Variants in PDE10A observed in about 807,000 individuals in gnomAD.
PDE10A encodes phosphodiesterase 10A.
Under a neutral mutation model 97.7 loss-of-function variants are expected in PDE10A, and 39 were observed. The observed-to-expected ratio is 0.40, with a 90% CI of 0.31 to 0.52. The LOEUF is 0.52. Among genes scored for constraint, PDE10A ranks in the 20% least tolerant of loss-of-function variants. PDE10A has a pLI of 0.56. For missense variants in PDE10A, 731 were observed against 1,047.8 expected (o/e 0.70, Z 4.17); for synonymous variants, 371 against 376.8 (o/e 0.98, Z 0.18).
chr6:165,428,141 A>G (rs1294050531), intron 10 of PDE10A, among the ~76,000 whole-genome samples: 1 of 152,170 alleles, frequency 6.6e-6, no homozygotes, highest in Non-Finnish European at 1.5e-5. Context: ...CTGGGCATGC[A>G]TGGCATCCAC....
chr6:165,497,397 T>C (rs1323641251), intron 2 of PDE10A, among the ~76,000 whole-genome samples: 1 of 152,170 alleles, frequency 6.6e-6, no homozygotes, highest in Non-Finnish European at 1.5e-5. Context: ...ATGTAACAAC[T>C]TGTAAAGTGC....
At chr6:165,468,510 C>T (rs1055372600) in intron 3 of PDE10A, among the ~76,000 whole-genome samples, 4 of 152,128 alleles carry the variant, frequency 2.6e-5, no homozygotes, top group Non-Finnish European at 5.9e-5. Flanking sequence ...ATTCTTGTGA[C>T]TCACTTTATG....
At chr6:165,594,138 G>T (rs1786442976) in intron 1 of PDE10A, among the ~76,000 whole-genome samples, 1 of 152,152 alleles carries the variant, frequency 6.6e-6, no homozygotes, top group African/African-American at 2.4e-5. Flanking sequence ...TAACATCCAA[G>T]TTGCAATGAG....
intron 1 of PDE10A, among the ~76,000 whole-genome samples, chr6:165,573,143 T>C (rs1226245105): frequency 6.6e-6 from 1 of 152,206 alleles, no homozygotes; most frequent in Non-Finnish European, 1.5e-5. Flanking sequence ...ATTACAGGTT[T>C]GTAATTATCT....
At chr6:165,960,924 C>T (rs1562329013) in intron 1 of PDE10A, among the ~76,000 whole-genome samples, 1 of 152,174 alleles carries the variant, frequency 6.6e-6, no homozygotes, top group Non-Finnish European at 1.5e-5. Flanking sequence ...GCTAACGCTG[C>T]AGGCTCCATT....
intron 1 of PDE10A, among the ~76,000 whole-genome samples, chr6:165,704,397 T>G (rs1009581983): frequency 2.0e-5 from 3 of 152,216 alleles, no homozygotes; most frequent in African/African-American, 7.2e-5. Context: ...TCAGCTGAGA[T>G]AACATCAGCA....
chr6:165,900,802 T>A (rs1343896968), intron 1 of PDE10A, among the ~76,000 whole-genome samples: 1 of 152,204 alleles, frequency 6.6e-6, no homozygotes, highest in Non-Finnish European at 1.5e-5. Context: ...AGCCTTCATA[T>A]CTATCCAACA....
chr6:165,779,872 C>A (rs191759051), intron 1 of PDE10A, among the ~76,000 whole-genome samples: 2 of 152,310 alleles, frequency 1.3e-5, no homozygotes, highest in Non-Finnish European at 2.9e-5. Flanking sequence ...GCCAGGGAAG[C>A]AACCTTTGCT....
intron 3 of PDE10A, among the ~76,000 whole-genome samples, chr6:165,469,019 C>A (rs546618947): frequency 2.6e-5 from 4 of 152,258 alleles, no homozygotes; most frequent in African/African-American, 7.2e-5. Context: ...TAAGGTCTTG[C>A]GAAAGAGGAA....
chr6:165,473,458 A>G (rs1779126674), intron 3 of PDE10A, among the ~76,000 whole-genome samples: 1 of 152,206 alleles, frequency 6.6e-6, no homozygotes, highest in Non-Finnish European at 1.5e-5. Context: ...TTCCAGTGTG[A>G]TACTCAACCC....
At chr6:165,846,190 AC>A (rs1187064064) in intron 1 of PDE10A, among the ~76,000 whole-genome samples, 1 of 152,200 alleles carries the variant, frequency 6.6e-6, no homozygotes, top group Non-Finnish European at 1.5e-5. Context: ...TAAAGTAGAT[AC>A]GGTCATTTCA....
intron 1 of PDE10A, among the ~76,000 whole-genome samples, chr6:165,566,866 G>A (rs1784802046): frequency 6.6e-6 from 1 of 152,090 alleles, no homozygotes; most frequent in South Asian, 2.1e-4. Context: ...AGTCTATATC[G>A]ATACAATCAC....
intron 1 of PDE10A, among the ~76,000 whole-genome samples, chr6:165,745,120 T>C (rs1334801026): frequency 6.6e-6 from 1 of 152,178 alleles, no homozygotes; most frequent in South Asian, 2.1e-4. Flanking sequence ...TTCAAGCATT[T>C]TTACAAATTA....
chr6:165,409,845 A>C (rs1031318030), intron 13 of PDE10A, among the ~76,000 whole-genome samples: 4 of 152,028 alleles, frequency 2.6e-5, no homozygotes, highest in Non-Finnish European at 2.9e-5. Context: ...ATTTAACTAA[A>C]TAATCAATGT....
chr6:165,673,480 G>C (rs1025715178), intron 1 of PDE10A, among the ~76,000 whole-genome samples: 1 of 152,196 alleles, frequency 6.6e-6, no homozygotes, highest in Non-Finnish European at 1.5e-5. Flanking sequence ...AAACCTCGCC[G>C]GAGCTGCTGA....
At chr6:165,691,097 CTT>C (rs35923533) in intron 1 of PDE10A, among the ~76,000 whole-genome samples, 2,184 of 41,714 alleles carry the variant, frequency 0.052, 270 homozygotes, top group East Asian at 0.16. Flanking sequence ...CTCTCTCTCT[CTT>C]TCTCTCTCCC....
intron 1 of PDE10A, among the ~76,000 whole-genome samples, chr6:165,822,239 A>G (rs1329642266): frequency 6.6e-6 from 1 of 151,966 alleles, no homozygotes; most frequent in Non-Finnish European, 1.5e-5. Flanking sequence ...TGGATGGCAC[A>G]GCCCACCACA....
In PDE10A at chr6:165,527,971, C is replaced by T. The variant is rs192853240; in HGVS notation, c.994+15469G>A. Reference sequence around the variant, plus strand: ...CACTACAGCCCTTTTCTGGGATATCCCTAGAGGACGGCGGTGAAGGGTAAT... The same window carrying T: ...CACTACAGCCCTTTTCTGGGATATCTCTAGAGGACGGCGGTGAAGGGTAAT... On this transcript the variant is annotated intron_variant, in intron 2 of 21. Transcript: ENST00000539869. 7.0e-3 allele frequency among the ~76,000 whole-genome samples: 1,059 copies of T among 152,276 alleles called. 15 individuals are homozygous for T. Among genetic ancestry groups the T allele is most frequent in the African/African-American group, 0.024 (997 of 41,558 alleles).
intron 2 of PDE10A, among the ~76,000 whole-genome samples, chr6:165,500,247 G>GAA (rs11397869): frequency 4.7e-5 from 7 of 150,306 alleles, no homozygotes; most frequent in Non-Finnish European, 5.9e-5. Flanking sequence ...GATTGAAAAG[G>GAA]AAAAAAAAAC....
Sources: allele counts gnomAD v4.1 joint callset (sites outside exome capture counted in the v4.1 genomes callset), GRCh38; gene constraint gnomAD v4.1.1; transcripts MANE v1.5; gene names NCBI Gene and HGNC (gene_info 2026-07-23, HGNC 2026-07-21).